The following OTOGL variants were observed in gnomAD, a reference collection of about 807,000 sequenced individuals.
OTOGL encodes the protein otogelin like.
A neutral mutation model predicts 318.5 loss-of-function variants in OTOGL; 285 were observed. The ratio of observed to expected loss-of-function variants is 0.89; its 90% confidence interval spans 0.81 to 0.99. OTOGL has a LOEUF of 0.99. Ranked by LOEUF, OTOGL falls within the 50% of genes least tolerant of loss-of-function variation. The pLI, the probability that OTOGL is intolerant of heterozygous loss-of-function variation, is 0.00. For synonymous variants in OTOGL, 987 were observed against 936.5 expected, an observed-to-expected ratio of 1.05 and a Z score of -0.99; for missense variants, 2,899 against 2,845.6, an observed-to-expected ratio of 1.02 and a Z score of -0.43.
intron 1 of OTOGL, among the ~76,000 whole-genome samples, chr12:80,129,440 C>G (rs562497303): frequency 4.9e-4 from 75 of 152,256 alleles, no homozygotes; most frequent in African/African-American, 1.3e-3. Flanking sequence ...GTCAAGCCAA[C>G]AGGTGTTAAC....
intron 1 of OTOGL, among the ~76,000 whole-genome samples, chr12:80,192,808 G>C (rs564683970): frequency 1.3e-5 from 2 of 152,230 alleles, no homozygotes; most frequent in African/African-American, 4.8e-5. Context: ...CCTAGTAAGT[G>C]GTTGTTAGAA....
chr12:80,260,186 G>A (rs1882412292), intron 18 of OTOGL, among the ~76,000 whole-genome samples: 1 of 151,952 alleles, frequency 6.6e-6, no homozygotes, highest in Non-Finnish European at 1.5e-5. Flanking sequence ...AGGGGAACTG[G>A]CATTTAAAAT....
intron 19 of OTOGL, among the ~76,000 whole-genome samples, chr12:80,263,667 T>C (rs531914448): frequency 6.6e-6 from 1 of 152,144 alleles, no homozygotes; most frequent in African/African-American, 2.4e-5. Context: ...AACTTTTTTT[T>C]AGCTTTGCCA....
At chr12:80,240,922 C>G (rs1002432829) in intron 11 of OTOGL, among the ~76,000 whole-genome samples, 2 of 151,894 alleles carry the variant, frequency 1.3e-5, no homozygotes, top group Admixed American at 1.3e-4. Flanking sequence ...AAAACATCAC[C>G]AAGTATATGT....
intron 8 of OTOGL, among the ~76,000 whole-genome samples, chr12:80,230,572 A>G (rs1324875683): frequency 6.6e-6 from 1 of 152,192 alleles, no homozygotes; most frequent in Non-Finnish European, 1.5e-5. Flanking sequence ...TCTTTATTAA[A>G]GGAGAAACAT....
intron 20 of OTOGL, 94 bp downstream of exon 20, chr12:80,265,304 A>G: frequency 8.4e-7 from 1 of 1,186,942 alleles, no homozygotes; most frequent in Non-Finnish European, 1.2e-6. Context: ...TGAAATGTCA[A>G]TATTGCATGT....
At chr12:80,366,242 T>C (rs926890608) in intron 52 of OTOGL, 22 of 427,892 alleles carry the variant, frequency 5.1e-5, no homozygotes, top group African/African-American at 1.0e-4. Context: ...ACTATACTCA[T>C]TGTGTTGCTG....
At chr12:80,255,890 A>C (rs1307842142) in intron 16 of OTOGL, among the ~76,000 whole-genome samples, 3 of 151,826 alleles carry the variant, frequency 2.0e-5, no homozygotes, top group Admixed American at 6.6e-5. Context: ...GTAATATATT[A>C]GAGTCTGAAT....
intron 35 of OTOGL, 31 bp from the exon 36 acceptor site, chr12:80,328,634 C>T (rs1887858878): frequency 1.4e-6 from 2 of 1,452,750 alleles, no homozygotes; most frequent in Non-Finnish European, 1.9e-6. Context: ...AACTTTTCTT[C>T]ACTTTGATTT....
At chr12:80,297,086 A>C in intron 27 of OTOGL, 125 bp downstream of exon 27, 1 of 920,784 alleles carries the variant, frequency 1.1e-6, no homozygotes, top group African/African-American at 1.7e-5. Flanking sequence ...TTTTGTTTTC[A>C]TTTTGCGTGG....
chr12:80,230,384 A>T (rs1340831621), intron 8 of OTOGL, among the ~76,000 whole-genome samples: 1 of 152,136 alleles, frequency 6.6e-6, no homozygotes, highest in African/African-American at 2.4e-5. Flanking sequence ...CCATAAAAGA[A>T]AGTTTAGGCA....
intron 26 of OTOGL, among the ~76,000 whole-genome samples, chr12:80,294,073 G>A (rs968749160): frequency 2.0e-5 from 3 of 152,068 alleles, no homozygotes; most frequent in African/African-American, 4.8e-5. Flanking sequence ...GTTTTGAGGA[G>A]CCCAGGTGAC....
At chr12:80,347,575 T>G (rs1889276447) in intron 44 of OTOGL, among the ~76,000 whole-genome samples, 1 of 152,188 alleles carries the variant, frequency 6.6e-6, no homozygotes, top group Admixed American at 6.5e-5. Flanking sequence ...AAGTCTTTGC[T>G]ATTATGAACA....
chr12:80,255,799 C>G (rs1881982507), intron 16 of OTOGL, among the ~76,000 whole-genome samples: 1 of 151,706 alleles, frequency 6.6e-6, no homozygotes, highest in Non-Finnish European at 1.5e-5. Context: ...TTTTTTAGTT[C>G]TATTCTAATA....
intron 1 of OTOGL, among the ~76,000 whole-genome samples, chr12:80,140,557 T>G (rs933176903): frequency 6.6e-6 from 1 of 152,194 alleles, no homozygotes; most frequent in African/African-American, 2.4e-5. Flanking sequence ...TTAGAGTAAC[T>G]GGGTTAATGT....
intron 1 of OTOGL, among the ~76,000 whole-genome samples, chr12:80,200,449 A>G (rs1156487166): frequency 6.6e-6 from 1 of 152,204 alleles, no homozygotes; most frequent in Non-Finnish European, 1.5e-5. Context: ...CTTCAAAGCT[A>G]TTGTAACTGC....
At chr12:80,280,877 G>A (rs1278516232) in intron 26 of OTOGL, among the ~76,000 whole-genome samples, 1 of 151,680 alleles carries the variant, frequency 6.6e-6, no homozygotes, top group African/African-American at 2.4e-5. Flanking sequence ...TTTCAGCAGT[G>A]TTTTGTAATT....
At chr12:80,374,148 A>G (rs74525905) in intron 57 of OTOGL, among the ~76,000 whole-genome samples, 2,288 of 152,282 alleles carry the variant, frequency 0.015, 61 homozygotes, top group African/African-American at 0.052. Flanking sequence ...AGCAGGGCTC[A>G]TTCCTTGGAG....
intron 28 of OTOGL, among the ~76,000 whole-genome samples, chr12:80,303,025 T>C (rs1885869718): frequency 6.6e-6 from 1 of 152,204 alleles, no homozygotes; most frequent in African/African-American, 2.4e-5. Context: ...AGCTTTCTTC[T>C]TCTCTTTTTC....
Sources: gnomAD v4.1 joint callset for allele counts (sites outside exome capture counted in the v4.1 genomes callset) on GRCh38, gnomAD v4.1.1 for gene constraint, MANE v1.5 for transcripts, NCBI Gene and HGNC (gene_info 2026-07-23, HGNC 2026-07-21) for gene names.